PKHD1L1: variants seen among roughly 807,000 people sequenced by gnomAD.
PKHD1L1 encodes the protein fibrocystin-L.
In PKHD1L1, 434 loss-of-function variants were observed where a neutral mutation model predicts 462.9. The observed-to-expected ratio is 0.94, with a 90% confidence interval of 0.87 to 1.02. The LOEUF (loss-of-function observed/expected upper bound fraction) is 1.02. Ranked by LOEUF, PKHD1L1 falls within the 50% of genes least tolerant of loss-of-function variation. The probability of loss-of-function intolerance (pLI) is 0.00; values close to 1 mark genes in which losing one functional copy is unlikely to be tolerated. For synonymous variants in PKHD1L1, 1,781 were observed against 1,750.0 expected, an observed-to-expected ratio of 1.02 and a Z score of -0.44; for missense variants, 5,202 against 5,096.1, an observed-to-expected ratio of 1.02 and a Z score of -0.63.
chr8:109,454,709 G>T lies in PKHD1L1; in HGVS notation c.6745-14G>T. On this transcript the variant is annotated splice_polypyrimidine_tract_variant and intron_variant, in intron 44 of 77. Coordinates refer to ENST00000378402, the MANE Select transcript of PKHD1L1 (RefSeq NM_177531.6). Reference sequence around the variant, plus strand: ...TTTTAATTTTCTGAATGGCATTTGTGACATCTTTTGCAGATTGGAACAGAG... The same window carrying T: ...TTTTAATTTTCTGAATGGCATTTGTTACATCTTTTGCAGATTGGAACAGAG... 1 of 1,611,254 alleles carries T rather than the reference G, an allele frequency of 6.2e-7. No homozygotes were observed. Among genetic ancestry groups the T allele is most frequent in the South Asian group, 1.1e-5 (1 of 90,798 alleles).
At chr8:109,456,477 A>T in intron 46 of PKHD1L1, 86 bp downstream of exon 46, 5 of 1,290,562 alleles carry the variant, frequency 3.9e-6, no homozygotes, top group Non-Finnish European at 5.1e-6. Context: ...ATGGTGCATG[A>T]CTATTTGGTT....
Position 109,445,372 on chromosome 8 carries a change from T to C in PKHD1L1, c.5503T>C (p.Ser1835Pro). ...NLTVSSPPVA[S>P]LSPTSGSIGG... ...GACTGTCAGCAGCCCCCCAGTAGCA[T>C]CTCTATCACCAACTTCTGGAAGCAT... The change falls in exon 38 of 78, where the codon TCT becomes CCT. Residue 1835 changes from serine (S) to proline (P), a missense_variant. Physicochemically the swap from Ser to Pro is moderately conservative, Grantham distance 74. Coordinates refer to ENST00000378402, the MANE Select transcript of PKHD1L1 (RefSeq NM_177531.6). The C allele has an allele frequency of 6.2e-7, 1 of 1,613,928 alleles. No homozygotes were observed. The highest frequency in any genetic ancestry group is 1.3e-5 in the African/African-American group (1 of 75,016).
At chr8:109,492,561 A>G (rs902814526) in intron 62 of PKHD1L1, among the ~76,000 whole-genome samples, 3 of 151,886 alleles carry the variant, frequency 2.0e-5, no homozygotes. Context: ...TGGGATAAGG[A>G]TTGAGTTTTT....
chr8:109,438,113 A>G (rs1320884633), intron 30 of PKHD1L1, among the ~76,000 whole-genome samples: 2 of 152,136 alleles, frequency 1.3e-5, no homozygotes, highest in Admixed American at 1.3e-4. Context: ...AACCCATAAA[A>G]CTACTATGTC....
intron 38 of PKHD1L1, among the ~76,000 whole-genome samples, chr8:109,447,347 G>A (rs1484491784): frequency 6.6e-6 from 1 of 152,096 alleles, no homozygotes; most frequent in Non-Finnish European, 1.5e-5. Context: ...TCAATTATAT[G>A]GTAATTCTTT....
chr8:109,395,090 C>T (rs1812903743), intron 10 of PKHD1L1, among the ~76,000 whole-genome samples: 1 of 152,184 alleles, frequency 6.6e-6, no homozygotes, highest in Admixed American at 6.5e-5. Flanking sequence ...CCGCATATCA[C>T]TAGCCTGGGA....
At chr8:109,485,863 A>C (rs777901755) in intron 58 of PKHD1L1, among the ~76,000 whole-genome samples, 1 of 152,002 alleles carries the variant, frequency 6.6e-6, no homozygotes, top group Non-Finnish European at 1.5e-5. Context: ...ATAGAAGCGC[A>C]TGTGTCTATA....
At chr8:109,483,206 T>C (rs1818358040) in intron 57 of PKHD1L1, 101 bp downstream of exon 57, 1 of 789,282 alleles carries the variant, frequency 1.3e-6, no homozygotes, top group Non-Finnish European at 1.8e-6. Context: ...CTCATGTGAT[T>C]AACCAGATGA....
intron 76 of PKHD1L1, among the ~76,000 whole-genome samples, chr8:109,526,114 C>G (rs1820801016): frequency 6.6e-6 from 1 of 152,072 alleles, no homozygotes; most frequent in Non-Finnish European, 1.5e-5. Context: ...AAGATTTAAC[C>G]TGGAGATTAA....
At chr8:109,460,011 T>C (rs1310360459) in intron 47 of PKHD1L1, among the ~76,000 whole-genome samples, 175 bp downstream of exon 47, 1 of 151,932 alleles carries the variant, frequency 6.6e-6, no homozygotes, top group Non-Finnish European at 1.5e-5. Context: ...TAATTAAATG[T>C]GGAAATTTGG....
chr8:109,379,182 C>G (rs1811987164), intron 2 of PKHD1L1, among the ~76,000 whole-genome samples: 1 of 152,146 alleles, frequency 6.6e-6, no homozygotes, highest in Admixed American at 6.5e-5. Context: ...CTCAAAAAGT[C>G]CACCCAGCTT....
intron 9 of PKHD1L1, 44 bp downstream of exon 9, chr8:109,390,538 G>A (rs1248212986): frequency 2.1e-5 from 23 of 1,097,480 alleles, no homozygotes; most frequent in Non-Finnish European, 1.9e-5. Context: ...TGATTCAACA[G>A]GGTAAATAAG....
intron 18 of PKHD1L1, 50 bp downstream of exon 18, chr8:109,408,256 A>G (rs1444084420): frequency 9.9e-6 from 15 of 1,511,650 alleles, no homozygotes; most frequent in African/African-American, 1.4e-5. Flanking sequence ...ACCCTCTCAC[A>G]TCATTCATGG....
intron 9 of PKHD1L1, among the ~76,000 whole-genome samples, chr8:109,392,309 T>C (rs1812748905): frequency 6.6e-6 from 1 of 152,168 alleles, no homozygotes; most frequent in Non-Finnish European, 1.5e-5. Context: ...AGAGAAATAA[T>C]TATCCAAAAA....
At chr8:109,418,955 C>G (rs1311723491) in intron 21 of PKHD1L1, 142 bp from the exon 22 acceptor site, 68 of 601,346 alleles carry the variant, frequency 1.1e-4, no homozygotes. Context: ...GTTACGGCTG[C>G]TTTTCTGTGC....
rs1210889836 is a variant in PKHD1L1, at chr8:109,448,226, C to T, written c.5860C>T (p.Gln1954Ter). ...LEISVMINNIQCNVTMANDSV... is the reference protein window; with the variant it reads ...LEISVMINNI Reference sequence around the variant, plus strand: ...AATCTCCGTGATGATAAATAACATTCAGTGTAATGTAACCATGGCCAATGA... The same window carrying T: ...AATCTCCGTGATGATAAATAACATTTAGTGTAATGTAACCATGGCCAATGA... The change falls in exon 39 of 78, where the codon CAG becomes TAG. Residue 1954 changes from glutamine to a stop codon, truncating the protein, a stop_gained. Coordinates refer to ENST00000378402, the MANE Select transcript of PKHD1L1 (RefSeq NM_177531.6). LOFTEE classifies it high-confidence loss of function. The T allele has an allele frequency of 1.2e-6, 2 of 1,612,638 alleles. No individual in the cohort carries two copies. The highest frequency in any genetic ancestry group is 2.7e-5 in the African/African-American group (2 of 74,644).
In PKHD1L1 at chr8:109,445,408, A is replaced by G; in HGVS notation, c.5539A>G (p.Thr1847Ala). The G allele has an allele frequency of 6.2e-7, 1 of 1,613,978 alleles. No individual in the cohort carries two copies. Among genetic ancestry groups the G allele is most frequent in the Non-Finnish European group, 8.5e-7 (1 of 1,179,870 alleles). ...SPTSGSIGGG[T>A]TLVITGNGFY... ...AACTTCTGGAAGCATTGGTGGTGGA[A>G]CTACACTGGTGATCACAGGAAATGG... The change falls in exon 38 of 78, where the codon ACT becomes GCT. Residue 1847 changes from threonine (T) to alanine (A), a missense_variant. By Grantham distance (58) the Thr-to-Ala change is moderately conservative (BLOSUM62 0). Around this residue, in one of 3 missense-constraint regions of PKHD1L1, gnomAD observed 4,497 missense variants for 4,336.8 expected, o/e 1.04. Transcript: ENST00000378402.
At chr8:109,416,504 G>T (rs1814177198) in intron 21 of PKHD1L1, among the ~76,000 whole-genome samples, 1 of 152,134 alleles carries the variant, frequency 6.6e-6, no homozygotes, top group Non-Finnish European at 1.5e-5. Flanking sequence ...TGTTGAGAGA[G>T]ATATATTAGT....
rs748640509 is a variant in PKHD1L1, at chr8:109,412,317, G to A, written c.2138G>A (p.Arg713His). The A allele has an allele frequency of 1.5e-5, 25 of 1,613,646 alleles. No homozygotes were observed. Among genetic ancestry groups the A allele is most frequent in the South Asian group, 8.8e-5 (8 of 91,072 alleles). ...KTAETDAYCG[R>H]YSLKNPAVLF... ...GCTGAAACCGATGCTTACTGTGGTC[G>A]TTATTCCCTGAAAAACCCAGCTGTT... Residue 713 changes from arginine (R) to histidine (H), a missense_variant, in exon 20 of 78, where the codon CGT becomes CAT. Coordinates refer to ENST00000378402, the MANE Select transcript of PKHD1L1 (RefSeq NM_177531.6).
Sources: allele counts gnomAD v4.1 joint callset (sites outside exome capture counted in the v4.1 genomes callset), GRCh38; gene constraint gnomAD v4.1.1; regional missense constraint gnomAD v4.1.1; transcripts MANE v1.5; gene names NCBI Gene and HGNC (gene_info 2026-07-23, HGNC 2026-07-21).